Variants in PIGU observed in about 807,000 individuals in gnomAD.
The protein encoded by PIGU is phosphatidylinositol glycan anchor biosynthesis class U, also known as GPI-anchor transamidase component PIGU.
Under a neutral mutation model 49.9 loss-of-function variants are expected in PIGU, and 24 were observed. The ratio of observed to expected loss-of-function variants is 0.48; its 90% CI spans 0.35 to 0.68. PIGU has a LOEUF of 0.68. PIGU is among the 30% of genes least tolerant of loss of function. The pLI is 0.01. For synonymous variants in PIGU, 220 were observed against 205.7 expected (o/e 1.07, Z -0.59); for missense variants, 490 against 532.6 (o/e 0.92, Z 0.79).
At chr20:34,604,493 A>T (rs1296208556) in intron 7 of PIGU, among the ~76,000 whole-genome samples, 1 of 152,218 alleles carries the variant, frequency 6.6e-6, no homozygotes, top group East Asian at 1.9e-4. Context: ...AGGAAACAAA[A>T]CTGGTAGAAA....
chr20:34,657,176 T>C lies in PIGU; in HGVS notation c.195+4A>G. 1 of 1,605,400 alleles carries C rather than the reference T, an allele frequency of 6.2e-7. No homozygotes were observed. Among genetic ancestry groups the C allele is most frequent in the Non-Finnish European group, 8.5e-7 (1 of 1,172,396 alleles). ...TACCCAGAAAAGAAAATAAGAACACTTACTTCATGAAATACTGCTCCAGAA... is the reference window on the plus strand; with the variant it reads ...TACCCAGAAAAGAAAATAAGAACACCTACTTCATGAAATACTGCTCCAGAA... On this transcript the variant is annotated splice_donor_region_variant and intron_variant, in intron 2 of 11. Transcript: ENST00000217446.
At chr20:34,620,828 A>T (rs6142205) in intron 6 of PIGU, among the ~76,000 whole-genome samples, 1 of 149,192 alleles carries the variant, frequency 6.7e-6, no homozygotes, top group African/African-American at 2.5e-5. Context: ...AACAAAAAAA[A>T]AAAAACAAAA....
At chr20:34,582,679 C>G (rs574258597) in intron 9 of PIGU, among the ~76,000 whole-genome samples, 2 of 148,552 alleles carry the variant, frequency 1.3e-5, no homozygotes, top group East Asian at 2.0e-4. Context: ...GACCTTGTCT[C>G]AAAAAGAAAA....
intron 1 of PIGU, among the ~76,000 whole-genome samples, chr20:34,659,301 G>A (rs1986847537): frequency 8.1e-6 from 1 of 123,944 alleles, no homozygotes; most frequent in Admixed American, 8.1e-5. Flanking sequence ...GGAGGGAGGT[G>A]GGGGGGTCAG....
In PIGU at chr20:34,637,882, G is replaced by A; in HGVS notation, c.422C>T (p.Ala141Val). 1 of 1,610,148 alleles carries A rather than the reference G, an allele frequency of 6.2e-7. No individual in the cohort carries two copies. The highest frequency in any genetic ancestry group is 8.5e-7 in the Non-Finnish European group (1 of 1,178,460). Residue 141 changes from alanine (A) to valine (V), a missense_variant, in exon 5 of 12, where the codon GCC (alanine) becomes GTC (valine). Physicochemically the swap from Ala to Val is moderately conservative, Grantham distance 64 (BLOSUM62 0). Coordinates refer to ENST00000217446, the MANE Select transcript of PIGU (RefSeq NM_080476.5). ...MEMRYIPLKV[A>V]LFYLLNPYTI... ...TTTGTCAGGGAATACTTACAACAGGGCCACTTTCAAAGGGATGTAACGCAT... is the reference window on the plus strand; with the variant it reads ...TTTGTCAGGGAATACTTACAACAGGACCACTTTCAAAGGGATGTAACGCAT...
At chr20:34,674,335 A>C (rs1265409924) in intron 1 of PIGU, among the ~76,000 whole-genome samples, 1 of 152,120 alleles carries the variant, frequency 6.6e-6, no homozygotes, top group Non-Finnish European at 1.5e-5. Flanking sequence ...AGCCTGGGCA[A>C]CAAGAGCAAA....
At chr20:34,590,750 C>T (rs769886881) in intron 7 of PIGU, among the ~76,000 whole-genome samples, 1 of 151,262 alleles carries the variant, frequency 6.6e-6, no homozygotes, top group African/African-American at 2.4e-5. Flanking sequence ...AGGCCGGGCG[C>T]GGTAGCTCAT....
At chr20:34,564,854 G>A (rs1448487340) in intron 11 of PIGU, among the ~76,000 whole-genome samples, 3 of 152,210 alleles carry the variant, frequency 2.0e-5, no homozygotes, top group Non-Finnish European at 2.9e-5. Flanking sequence ...AGGGGGTGGC[G>A]GGAAGAGCCC....
At chr20:34,614,942 T>C (rs1464802711) in intron 7 of PIGU, among the ~76,000 whole-genome samples, 1 of 152,184 alleles carries the variant, frequency 6.6e-6, no homozygotes. Context: ...ATTTGGACCA[T>C]GTGGGGCCTG....
At chr20:34,590,501 G>A (rs980746967) in intron 7 of PIGU, among the ~76,000 whole-genome samples, 1 of 151,996 alleles carries the variant, frequency 6.6e-6, no homozygotes. Context: ...AGGCTGTAGT[G>A]AGCCGAGATT....
intron 1 of PIGU, among the ~76,000 whole-genome samples, chr20:34,676,564 C>CT (rs1987505614): frequency 6.6e-6 from 1 of 152,184 alleles, no homozygotes; most frequent in Admixed American, 6.5e-5. Context: ...AACCTTTTAT[C>CT]CCAGGGAGCA....
chr20:34,628,140 T>C (rs1156853500), intron 6 of PIGU, among the ~76,000 whole-genome samples: 1 of 152,140 alleles, frequency 6.6e-6, no homozygotes, highest in Non-Finnish European at 1.5e-5. Context: ...AGTGTACAAA[T>C]ATAAGGACTC....
intron 10 of PIGU, among the ~76,000 whole-genome samples, chr20:34,580,232 T>C (rs1363198049): frequency 6.6e-6 from 1 of 152,228 alleles, no homozygotes; most frequent in Non-Finnish European, 1.5e-5. Context: ...TCATGGTTTG[T>C]CACTGGCCAC....
intron 6 of PIGU, among the ~76,000 whole-genome samples, chr20:34,620,809 CAAAAAAAA>C (rs71194628): frequency 7.8e-6 from 1 of 127,818 alleles, no homozygotes; most frequent in South Asian, 2.6e-4. Context: ...TAAAAAAAAA[CAAAAAAAA>C]AACAAAAAAA....
chr20:34,603,572 T>C (rs1168558312), intron 7 of PIGU, among the ~76,000 whole-genome samples: 1 of 152,184 alleles, frequency 6.6e-6, no homozygotes, highest in African/African-American at 2.4e-5. Context: ...ATTCTTACCT[T>C]ACTGAAACTC....
rs10711315 is a variant in PIGU, at chr20:34,676,024, TAAA to T, written c.130+929_130+931del. 8.9e-3 allele frequency among the ~76,000 whole-genome samples: 1,181 copies of T among 132,580 alleles called. 25 individuals are homozygous for T. The highest frequency in any genetic ancestry group is 0.033 in the African/African-American group (1,126 of 34,492). 87.0% of individuals were successfully genotyped at this position (132,580 alleles called of 152,430 possible). On this transcript the variant is annotated intron_variant, in intron 1 of 11. Coordinates refer to ENST00000217446, the MANE Select transcript of PIGU (RefSeq NM_080476.5). ...GCATTGTATGTATACTGTACTTCAGTAAAAAAAAAAAAAAAAAAGTTGTTTGTT... is the reference window on the plus strand; with the variant it reads ...GCATTGTATGTATACTGTACTTCAGTAAAAAAAAAAAAAAAGTTGTTTGTT...
chr20:34,676,786 C>A (rs1987516257), intron 1 of PIGU, among the ~76,000 whole-genome samples, 170 bp downstream of exon 1: 1 of 152,188 alleles, frequency 6.6e-6, no homozygotes, highest in Non-Finnish European at 1.5e-5. Flanking sequence ...CCCACGCCCC[C>A]TCCCCTCACC....
intron 7 of PIGU, among the ~76,000 whole-genome samples, chr20:34,611,666 G>GAAAAAAAAAAAAAAAAAA (rs1173299072): frequency 1.5e-5 from 1 of 65,756 alleles, no homozygotes. Flanking sequence ...AAAAAAAAAA[G>GAAAAAAAAAAAAAAAAAA]ACAAAAAAAA....
chr20:34,580,671 A>C (rs1983420857), intron 10 of PIGU, among the ~76,000 whole-genome samples: 1 of 152,220 alleles, frequency 6.6e-6, no homozygotes, highest in South Asian at 2.1e-4. Context: ...GGGGAGGTTT[A>C]AAAACCCGCT....
Sources: allele counts gnomAD v4.1 joint callset (sites outside exome capture counted in the v4.1 genomes callset), GRCh38; gene constraint gnomAD v4.1.1; transcripts MANE v1.5; gene names NCBI Gene and HGNC (gene_info 2026-07-23, HGNC 2026-07-21).